Variants in ADRA1B observed in about 807,000 individuals in gnomAD.
The protein encoded by ADRA1B is alpha-1B adrenergic receptor.
A neutral mutation model predicts 17.9 loss-of-function variants in ADRA1B; 17 were observed. The observed-to-expected ratio is 0.95, with a 90% CI of 0.65 to 1.42. ADRA1B has a LOEUF of 1.42. ADRA1B is among the 40% of genes most tolerant of loss of function. The pLI is 0.00. For synonymous variants in ADRA1B, 366 were observed against 327.6 expected (o/e 1.12, Z -1.27); for missense variants, 681 against 722.1 (o/e 0.94, Z 0.65).
Position 159,943,910 on chromosome 5 carries a change from T to TCACA in ADRA1B, c.949+26057_949+26058insACAC, listed in dbSNP as rs1424257294. ...CTCATTCTCTCTCTCTCTCTGTCTC[T>TCACA]CTCACACACACACACACACACACAC... is the stretch of plus-strand genomic sequence containing the variant. On this transcript the variant is annotated intron_variant, in intron 1 of 1. Coordinates refer to ENST00000306675, the MANE Select transcript of ADRA1B (RefSeq NM_000679.4). Among the ~76,000 whole-genome samples, 12 of 136,570 alleles carry TCACA rather than the reference T, an allele frequency of 8.8e-5. 1 individual carries two copies. The highest frequency in any genetic ancestry group is 2.4e-4 in the African/African-American group (9 of 37,830). 89.6% of individuals were successfully genotyped at this position (136,570 alleles called of 152,430 possible).
the ADRA1B span, among the ~76,000 whole-genome samples, chr5:159,986,699 A>G: frequency 6.6e-6 from 1 of 152,232 alleles, no homozygotes; most frequent in South Asian, 2.1e-4. Flanking sequence ...TGGTCCATGG[A>G]CCAGATATTG....
intron 1 of ADRA1B, among the ~76,000 whole-genome samples, chr5:159,931,794 G>A (rs2113202125): frequency 6.6e-6 from 1 of 152,286 alleles, no homozygotes; most frequent in Admixed American, 6.5e-5. Flanking sequence ...ATGGCAGAAG[G>A]GGCAAACAGG....
chr5:159,924,800 G>A (rs994860484), intron 1 of ADRA1B, among the ~76,000 whole-genome samples: 1 of 152,224 alleles, frequency 6.6e-6, no homozygotes, highest in Non-Finnish European at 1.5e-5. Context: ...GGCAGCACTG[G>A]AAATTGCTTT....
At position 159,972,499 on chromosome 5, in the gene ADRA1B, C is replaced by G. The variant is rs1010995374; in HGVS notation, c.*7C>G. On this transcript the variant is annotated 3_prime_UTR_variant, in exon 2 of 2. Coordinates refer to ENST00000306675, the MANE Select transcript of ADRA1B (RefSeq NM_000679.4). Reference sequence around the variant, plus strand: ...GGCGCCCGGGCAGTTTTAGGGCCCCCGTGCGCAGCTTTCTTTCCCTGGGGA... The same window carrying G: ...GGCGCCCGGGCAGTTTTAGGGCCCCGGTGCGCAGCTTTCTTTCCCTGGGGA... The G allele has an allele frequency of 1.8e-5, 20 of 1,134,164 alleles. No individual in the cohort carries two copies. The East Asian group carries it at 6.6e-4, about 37-fold the overall frequency. The allele number at this position is 1,134,164 out of a possible 1,614,324, so 70.3% of individuals were successfully genotyped here.
chr5:159,928,006 G>C (rs967846971), intron 1 of ADRA1B, among the ~76,000 whole-genome samples: 1 of 152,192 alleles, frequency 6.6e-6, no homozygotes, highest in Admixed American at 6.5e-5. Context: ...GCGATGACAT[G>C]AGTGAGTGGC....
intron 1 of ADRA1B, among the ~76,000 whole-genome samples, chr5:159,899,257 AG>A (rs1754070249): frequency 1.4e-5 from 2 of 145,888 alleles, no homozygotes; most frequent in Admixed American, 6.9e-5. Context: ...GAAGGAAGGA[AG>A]GAAGAAAGGA....
chr5:159,865,814 A>G (rs1456486822), intron 1 of ADRA1B, among the ~76,000 whole-genome samples: 1 of 152,202 alleles, frequency 6.6e-6, no homozygotes, highest in East Asian at 1.9e-4. Context: ...ACAAAAACAC[A>G]AGTAGCCCCT....
chr5:159,914,543 T>A (rs375310791), upstream of ADRA1B, among the ~76,000 whole-genome samples: 44 of 152,258 alleles, frequency 2.9e-4, no homozygotes, highest in African/African-American at 1.1e-3. Flanking sequence ...TAGAAAATAA[T>A]CCATTTTCAG....
intron 1 of ADRA1B, among the ~76,000 whole-genome samples, chr5:159,918,932 G>A (rs867241325): frequency 1.1e-4 from 16 of 151,972 alleles, no homozygotes; most frequent in Non-Finnish European, 2.2e-4. Context: ...CATGATATCA[G>A]GAGAGGTAAC....
In ADRA1B at chr5:159,955,146, G is replaced by T. The variant is rs1328229832; in HGVS notation, c.950-16733G>T. 4 of 985,164 alleles carry T rather than the reference G, an allele frequency of 4.1e-6. No homozygotes were observed. In the African/African-American group the frequency reaches 7.0e-5, roughly 17 times the overall value. The allele number at this position is 985,164 out of a possible 1,614,324, so 61.0% of individuals were successfully genotyped here. On this transcript the variant is annotated intron_variant, in intron 1 of 1. Transcript: ENST00000306675. ...ATACCGAAAGACAAGAAAGGGCTCTGGTGAGAAGACAAGACACCCTGGAGA... is the reference window on the plus strand; with the variant it reads ...ATACCGAAAGACAAGAAAGGGCTCTTGTGAGAAGACAAGACACCCTGGAGA...
chr5:159,960,708 T>TAA (rs71579107), intron 1 of ADRA1B, among the ~76,000 whole-genome samples: 1,999 of 118,874 alleles, frequency 0.017, 46 homozygotes, highest in African/African-American at 0.057. Context: ...CCCCAGCTCT[T>TAA]AAAAAAAAAA....
Position 159,972,524 on chromosome 5 carries a change from A to T in ADRA1B, c.*32A>T. ...CGTGCGCAGCTTTCTTTCCCTGGGG[A>T]GGAAAACATCGTGGGGGGGAGGGGA... On this transcript the variant is annotated 3_prime_UTR_variant, in exon 2 of 2. Transcript: ENST00000306675. 1 of 780,198 alleles carries T rather than the reference A, an allele frequency of 1.3e-6. No individual in the cohort carries two copies. The highest frequency in any genetic ancestry group is 1.5e-6 in the Non-Finnish European group (1 of 648,488). 48.3% of individuals were successfully genotyped at this position (780,198 alleles called of 1,614,324 possible). A position where few individuals can be genotyped will look rare whatever the true frequency, so the allele number is the denominator to read the frequency against.
chr5:159,955,409 A>G (rs916407568), intron 1 of ADRA1B, among the ~76,000 whole-genome samples: 10 of 152,200 alleles, frequency 6.6e-5, no homozygotes, highest in African/African-American at 2.2e-4. Context: ...CAAAGGGATG[A>G]GTCAGAAAGA....
intron 1 of ADRA1B, among the ~76,000 whole-genome samples, chr5:159,867,477 C>G (rs1753672999): frequency 6.6e-6 from 1 of 152,132 alleles, no homozygotes; most frequent in Admixed American, 6.6e-5. Context: ...CCACCCTCTC[C>G]CTCGCCCTCT....
At chr5:159,925,512 C>G (rs913037228) in intron 1 of ADRA1B, among the ~76,000 whole-genome samples, 5 of 152,196 alleles carry the variant, frequency 3.3e-5, no homozygotes, top group African/African-American at 1.2e-4. Flanking sequence ...ACCACCCACC[C>G]ACCTACGTGT....
chr5:159,923,899 C>A (rs1181989680), intron 1 of ADRA1B, among the ~76,000 whole-genome samples: 1 of 152,276 alleles, frequency 6.6e-6, no homozygotes, highest in Non-Finnish European at 1.5e-5. Flanking sequence ...CCCTGGAAAG[C>A]TTTGCAGAGC....
In ADRA1B at chr5:159,917,428, G is replaced by A. The variant is rs761297353; in HGVS notation, c.523G>A (p.Val175Ile). 2.8e-5 allele frequency: 45 copies of A among 1,614,016 alleles called. No individual in the cohort carries two copies. Among genetic ancestry groups the A allele is most frequent in the Non-Finnish European group, 3.1e-5 (37 of 1,180,034 alleles). ...GCTCAGTGTCTGGGTCTTGTCCACC[G>A]TCATCTCCATCGGGCCTCTCCTTGG... ...ALLSVWVLST[V>I]ISIGPLLGWK... The change falls in exon 1 of 2, where the codon GTC becomes ATC. Residue 175 changes from valine (V) to isoleucine (I), a missense_variant. Coordinates refer to ENST00000306675, the MANE Select transcript of ADRA1B (RefSeq NM_000679.4).
At chr5:159,957,422 T>C (rs1392817061) in intron 1 of ADRA1B, among the ~76,000 whole-genome samples, 1 of 151,502 alleles carries the variant, frequency 6.6e-6, no homozygotes, top group Non-Finnish European at 1.5e-5. Context: ...GGAGGATCAC[T>C]TGAGCCCAGG....
At chr5:159,943,857 G>A (rs184995117) in intron 1 of ADRA1B, among the ~76,000 whole-genome samples, 10 of 150,408 alleles carry the variant, frequency 6.6e-5, no homozygotes, top group African/African-American at 2.2e-4. Context: ...TTGTTACCTG[G>A]GTGACTGACT....
Sources: allele counts gnomAD v4.1 joint callset (sites outside exome capture counted in the v4.1 genomes callset), GRCh38; gene constraint gnomAD v4.1.1; transcripts MANE v1.5; gene names NCBI Gene and HGNC (gene_info 2026-07-23, HGNC 2026-07-21).